MEGF10: variants seen among roughly 807,000 people sequenced by gnomAD.
MEGF10 encodes multiple epidermal growth factor-like domains protein 10.
A neutral mutation model predicts 147.5 loss-of-function variants in MEGF10; 86 were observed. The observed-to-expected ratio is 0.58, with a 90% CI of 0.49 to 0.70. MEGF10 has a LOEUF of 0.70. MEGF10 is among the 30% of genes least tolerant of loss of function. MEGF10 has a pLI of 0.00. For synonymous variants in MEGF10, 478 were observed against 525.5 expected (o/e 0.91, Z 1.24); for missense variants, 1,329 against 1,487.3 (o/e 0.89, Z 1.75).
intron 5 of MEGF10, among the ~76,000 whole-genome samples, chr5:127,386,716 A>G (rs1763449297): frequency 6.6e-6 from 1 of 152,240 alleles, no homozygotes; most frequent in South Asian, 2.1e-4. Context: ...CCTTTCTGGC[A>G]TGAATGATTC....
At chr5:127,239,471 T>TA in the MEGF10 span, among the ~76,000 whole-genome samples, 4 of 143,722 alleles carry the variant, frequency 2.8e-5, no homozygotes, top group African/African-American at 1.0e-4. Context: ...AATATATATA[T>TA]ATATAATATA....
chr5:127,289,269 G>A (rs552729619), upstream of MEGF10, among the ~76,000 whole-genome samples: 1 of 152,148 alleles, frequency 6.6e-6, no homozygotes, highest in African/African-American at 2.4e-5. Flanking sequence ...GGAAAGTGGG[G>A]CAACCAAGTT....
intron 5 of MEGF10, among the ~76,000 whole-genome samples, chr5:127,377,415 C>T (rs1763073639): frequency 6.6e-6 from 1 of 152,126 alleles, no homozygotes; most frequent in Non-Finnish European, 1.5e-5. Flanking sequence ...GACATTAGTA[C>T]CACATAGCGG....
chr5:127,351,298 G>A (rs898947182), intron 4 of MEGF10, among the ~76,000 whole-genome samples: 7 of 151,862 alleles, frequency 4.6e-5, no homozygotes, highest in African/African-American at 7.3e-5. Flanking sequence ...GTATCTTTCC[G>A]GATATATTTC....
the MEGF10 span, among the ~76,000 whole-genome samples, chr5:127,264,234 C>T: frequency 6.6e-6 from 1 of 152,090 alleles, no homozygotes; most frequent in Admixed American, 6.6e-5. Flanking sequence ...AAAAAGGAAA[C>T]TAGCATATTC....
chr5:127,340,011 A>C (rs1761619592), intron 3 of MEGF10, among the ~76,000 whole-genome samples: 1 of 152,184 alleles, frequency 6.6e-6, no homozygotes, highest in Non-Finnish European at 1.5e-5. Flanking sequence ...AGTAAAATGT[A>C]AGTTCCTTGA....
At chr5:127,405,102 A>G (rs911797098) in intron 8 of MEGF10, among the ~76,000 whole-genome samples, 2 of 142,730 alleles carry the variant, frequency 1.4e-5, no homozygotes, top group African/African-American at 5.5e-5. Context: ...CAGCCCTGGA[A>G]CTTATCAGAT....
At chr5:127,393,810 G>GTTTTTTTTT (rs11414651) in intron 5 of MEGF10, among the ~76,000 whole-genome samples, 11 of 147,598 alleles carry the variant, frequency 7.5e-5, no homozygotes, top group Non-Finnish European at 1.2e-4. Flanking sequence ...TATCTTCAAA[G>GTTTTTTTTT]TTTTTTTTTT....
intron 5 of MEGF10, among the ~76,000 whole-genome samples, chr5:127,394,548 A>G (rs184298534): frequency 1.3e-5 from 2 of 152,196 alleles, no homozygotes; most frequent in African/African-American, 4.8e-5. Flanking sequence ...AGTCCCTTCA[A>G]AACAGGATGG....
chr5:127,338,104 G>A (rs1761538223), intron 2 of MEGF10, among the ~76,000 whole-genome samples: 1 of 152,052 alleles, frequency 6.6e-6, no homozygotes, highest in African/African-American at 2.4e-5. Flanking sequence ...AGAAGGTTCT[G>A]TCTAACCTGA....
At chr5:127,346,362 G>A (rs1251570962) in intron 4 of MEGF10, among the ~76,000 whole-genome samples, 8 of 151,982 alleles carry the variant, frequency 5.3e-5, no homozygotes, top group African/African-American at 1.9e-4. Context: ...CATCCACACC[G>A]ACATCTATTA....
intron 1 of MEGF10, among the ~76,000 whole-genome samples, chr5:127,314,743 C>G (rs1322404103): frequency 6.6e-6 from 1 of 152,182 alleles, no homozygotes; most frequent in Non-Finnish European, 1.5e-5. Flanking sequence ...CAGGCAGGAA[C>G]TATTTCTACC....
chr5:127,285,511 A>G, the MEGF10 span, among the ~76,000 whole-genome samples: 1 of 152,136 alleles, frequency 6.6e-6, no homozygotes, highest in Non-Finnish European at 1.5e-5. Context: ...CTAAGATTGC[A>G]TTAGTTATGT....
upstream of MEGF10, chr5:127,290,752 C>G (rs1196286362): frequency 6.5e-6 from 1 of 152,692 alleles, no homozygotes; most frequent in Non-Finnish European, 1.5e-5. Flanking sequence ...AATCCCGGCC[C>G]CGGCTCGGGT....
At chr5:127,279,755 A>G in the MEGF10 span, among the ~76,000 whole-genome samples, 1 of 152,182 alleles carries the variant, frequency 6.6e-6, no homozygotes, top group African/African-American at 2.4e-5. Flanking sequence ...GCACCCCACT[A>G]TAGAAAGAGA....
the MEGF10 span, among the ~76,000 whole-genome samples, chr5:127,247,235 C>G: frequency 7.2e-6 from 1 of 138,786 alleles, no homozygotes; most frequent in South Asian, 2.3e-4. Flanking sequence ...GAAAAAAAAA[C>G]TCACAGAAAG....
At chr5:127,433,579 T>G in intron 14 of MEGF10, 70 bp downstream of exon 14, 15 of 1,510,790 alleles carry the variant, frequency 9.9e-6, no homozygotes, top group Non-Finnish European at 1.2e-5. Context: ...TAATGATCTC[T>G]GTCCCACCTC....
intron 5 of MEGF10, 126 bp downstream of exon 5, chr5:127,370,128 AC>A: frequency 1.7e-6 from 1 of 589,612 alleles, no homozygotes; most frequent in Non-Finnish European, 3.0e-6. Context: ...AAATGCCACG[AC>A]CAACTCAGTC....
intron 22 of MEGF10, among the ~76,000 whole-genome samples, chr5:127,452,795 G>A (rs1766204231): frequency 6.6e-6 from 1 of 152,138 alleles, no homozygotes; most frequent in Non-Finnish European, 1.5e-5. Flanking sequence ...CAGGAGCTGA[G>A]GGCAAAGGCC....
Sources: gnomAD v4.1 joint callset for allele counts (sites outside exome capture counted in the v4.1 genomes callset) on GRCh38, gnomAD v4.1.1 for gene constraint, MANE v1.5 for transcripts, NCBI Gene and HGNC (gene_info 2026-07-23, HGNC 2026-07-21) for gene names.